Variants in KIF4A observed in about 807,000 individuals in gnomAD.
The protein encoded by KIF4A is kinesin family member 4A, also known as chromosome-associated kinesin KIF4A.
KIF4A carries 7 observed loss-of-function variants against 105.9 expected under a neutral mutation model. The ratio of observed to expected loss-of-function variants is 0.07; its 90% CI spans 0.04 to 0.12. The LOEUF (loss-of-function observed/expected upper bound fraction) is 0.12. Ranked by LOEUF, KIF4A falls within the 10% of genes least tolerant of loss-of-function variation. The pLI, the probability that KIF4A is intolerant of heterozygous loss-of-function variation, is 1.00. For missense variants in KIF4A, 558 were observed against 929.2 expected, an observed-to-expected ratio of 0.60 and a Z score of 5.19; for synonymous variants, 281 against 331.3, an observed-to-expected ratio of 0.85 and a Z score of 1.65.
intron 18 of KIF4A, among the ~76,000 whole-genome samples, chrX:70,383,186 C>CAA (rs372003538): frequency 2.1e-4 from 12 of 56,007 alleles, no homozygotes; most frequent in East Asian, 6.0e-4. Context: ...GACTCCATCT[C>CAA]AAAAAAAAAA....
chrX:70,375,069 T>A (rs1161445597), intron 16 of KIF4A, 135 bp from the exon 17 acceptor site: 1 of 704,752 alleles, frequency 1.4e-6, no homozygotes, highest in South Asian at 3.5e-5. Context: ...GGTGGTATTC[T>A]TTTTTTAAGA....
chrX:70,408,929 G>T (rs2086310514), intron 28 of KIF4A, among the ~76,000 whole-genome samples: 1 of 111,980 alleles, frequency 8.9e-6, no homozygotes, highest in Non-Finnish European at 1.9e-5. Flanking sequence ...GCAATGGCAC[G>T]ATCTTGGCTC....
rs760527566 is a variant in KIF4A at position 70,378,953 on chromosome X, G to A, written c.2034+2743G>A. 3.1e-3 allele frequency among the ~76,000 whole-genome samples: 339 copies of A among 109,219 alleles called. 2 individuals carry two copies. The highest frequency in any genetic ancestry group is 0.011 in the African/African-American group (329 of 30,049). 94.8% of individuals were successfully genotyped at this position (109,219 alleles called of 115,157 possible). ...AGGCAGATCACAAGGTCAGGAGATC[G>A]AGACCATCCTGGCTAACACGGTGAA... On this transcript the variant is annotated intron_variant, in intron 18 of 30. Transcript: ENST00000374403.
At position 70,293,781 on chromosome X, in the gene KIF4A, A is replaced by G. The variant is rs937375283; in HGVS notation, c.235+2976A>G. On this transcript the variant is annotated intron_variant, in intron 3 of 30. Coordinates refer to ENST00000374403, the MANE Select transcript of KIF4A (RefSeq NM_012310.5). ...AAAACTGATACACCCGTATAGGGCA[A>G]TTACCGTGAATGGAGCTTGCAGGAC... Among the ~76,000 whole-genome samples, 66 of 112,226 alleles carry G rather than the reference A, an allele frequency of 5.9e-4. 1 individual carries two copies. The highest frequency in any genetic ancestry group is 2.0e-3 in the African/African-American group (61 of 30,947).
At chrX:70,370,028 T>C (rs1165116389) in intron 15 of KIF4A, among the ~76,000 whole-genome samples, 1 of 111,354 alleles carries the variant, frequency 9.0e-6, no homozygotes, top group Admixed American at 9.6e-5. Context: ...GCCCACAGTA[T>C]TCAGTACAGT....
In KIF4A at chrX:70,344,597, C is replaced by CTT. The variant is rs74513137; in HGVS notation, c.1431+618_1431+619dup. 5.6e-3 allele frequency among the ~76,000 whole-genome samples: 621 copies of CTT among 110,607 alleles called. 2 individuals carry two copies. Among genetic ancestry groups the CTT allele is most frequent in the Non-Finnish European group, 9.3e-3 (493 of 52,959 alleles). ...ATCTCTTAGTCCTTAGGCATATATG[C>CTT]TTTTAAAAAAAACATTGAAATCGTA... On this transcript the variant is annotated intron_variant, in intron 13 of 30. Coordinates refer to ENST00000374403, the MANE Select transcript of KIF4A (RefSeq NM_012310.5).
At chrX:70,338,823 TG>T (rs2085960981) in intron 10 of KIF4A, among the ~76,000 whole-genome samples, 1 of 111,658 alleles carries the variant, frequency 9.0e-6, no homozygotes, top group African/African-American at 3.3e-5. Flanking sequence ...CGGTGGCTCA[TG>T]CCTGTAACCC....
intron 7 of KIF4A, among the ~76,000 whole-genome samples, chrX:70,323,524 C>A (rs1181937570): frequency 9.0e-6 from 1 of 111,593 alleles, no homozygotes; most frequent in Non-Finnish European, 1.9e-5. Flanking sequence ...ACCTATGAAA[C>A]CTCTGCTCTT....
intron 7 of KIF4A, 136 bp from the exon 8 acceptor site, chrX:70,329,269 A>G: frequency 1.8e-6 from 1 of 569,666 alleles, no homozygotes. Flanking sequence ...AAAAGTGAAC[A>G]AGATTAAGAA....
chrX:70,347,961 C>A lies in KIF4A; in HGVS notation c.1431+3979C>A, dbSNP rs993208532. On this transcript the variant is annotated intron_variant, in intron 13 of 30. Coordinates refer to ENST00000374403, the MANE Select transcript of KIF4A (RefSeq NM_012310.5). Reference sequence around the variant, plus strand: ...CTGCACTCCAGCCTGGGCGACAGAGCGAGACTCCGTCTCAAAAAAAAAAAA... The same window carrying A: ...CTGCACTCCAGCCTGGGCGACAGAGAGAGACTCCGTCTCAAAAAAAAAAAA... Among the ~76,000 whole-genome samples the A allele has an allele frequency of 5.0e-4, 5 of 10,077 alleles. No homozygotes were observed. In the East Asian group the frequency reaches 0.11, roughly 212 times the overall value. 8.8% of individuals were successfully genotyped at this position (10,077 alleles called of 115,157 possible).
chrX:70,330,336 T>A lies in KIF4A; in HGVS notation c.1071+4T>A, dbSNP rs376503954. ...ACTTAATCATCTAAAGCAACAGGTA[T>A]AAGGGACTTAAAGTTTGATGGGAAA... On this transcript the variant is annotated splice_donor_region_variant and intron_variant, in intron 9 of 30. Coordinates refer to ENST00000374403, the MANE Select transcript of KIF4A (RefSeq NM_012310.5). The A allele has an allele frequency of 7.5e-6, 9 of 1,196,691 alleles. No homozygotes were observed. Among genetic ancestry groups the A allele is most frequent in the Non-Finnish European group, 1.0e-5 (9 of 885,655 alleles).
chrX:70,324,221 A>G (rs1460612090), intron 7 of KIF4A, among the ~76,000 whole-genome samples: 1 of 112,253 alleles, frequency 8.9e-6, no homozygotes, highest in Non-Finnish European at 1.9e-5. Flanking sequence ...AAAAGCCTGT[A>G]ACCCAAAGCC....
intron 23 of KIF4A, among the ~76,000 whole-genome samples, chrX:70,402,929 T>C (rs989644108): frequency 1.8e-5 from 2 of 112,339 alleles, no homozygotes; most frequent in African/African-American, 6.5e-5. Flanking sequence ...CTATAGCAAG[T>C]GCTGAATGCG....
Position 70,349,285 on chromosome X carries a change from G to A in KIF4A, c.1432-3315G>A, listed in dbSNP as rs748094575. On this transcript the variant is annotated intron_variant, in intron 13 of 30. Transcript: ENST00000374403. The stretch of plus-strand genomic sequence containing the variant: ...CACATCCCAGACAATGGGCGGCTGG[G>A]TAGAGGCGCTCCTCACCTCCCAGAC... 4.2e-4 allele frequency among the ~76,000 whole-genome samples: 39 copies of A among 91,884 alleles called. 1 individual carries two copies. Among genetic ancestry groups the A allele is most frequent in the Middle Eastern group, 7.2e-3 (1 of 138 alleles). The allele number at this position is 91,884 out of a possible 115,157, so 79.8% of individuals were successfully genotyped here.
In KIF4A at chrX:70,375,237, G is replaced by A. The variant is rs2086170353; in HGVS notation, c.1812G>A (p.Glu604=). 2 of 1,210,947 alleles carry A rather than the reference G, an allele frequency of 1.7e-6. No homozygotes were observed. Among genetic ancestry groups the A allele is most frequent in the Non-Finnish European group, 2.2e-6 (2 of 895,171 alleles). ...LSERRRKRLQ[E]LEGQIADLKK... is the part of the protein sequence containing the mutation. ...AGCGCCGCCGCAAACGTCTCCAGGA[G>A]CTGGAGGGTCAAATTGCTGATCTGA... Residue 604 remains glutamate, a synonymous_variant, in exon 17 of 31, where the codon GAG becomes GAA. Transcript: ENST00000374403.
At chrX:70,397,579 G>A (rs2086265027) in intron 22 of KIF4A, among the ~76,000 whole-genome samples, 1 of 112,054 alleles carries the variant, frequency 8.9e-6, no homozygotes, top group Non-Finnish European at 1.9e-5. Context: ...ATGTTCTTCT[G>A]TCCCTCATCT....
At chrX:70,386,842 C>A in intron 19 of KIF4A, 141 bp downstream of exon 19, 1 of 488,970 alleles carries the variant, frequency 2.0e-6, no homozygotes, top group Non-Finnish European at 3.6e-6. Flanking sequence ...ATCTTGATCA[C>A]TGTTTATATG....
At chrX:70,384,323 A>G (rs2086208734) in intron 18 of KIF4A, among the ~76,000 whole-genome samples, 1 of 111,911 alleles carries the variant, frequency 8.9e-6, no homozygotes, top group South Asian at 3.7e-4. Flanking sequence ...CGGGCTTTTC[A>G]GTGACTGTAA....
chrX:70,377,328 T>A (rs2086178912), intron 18 of KIF4A, among the ~76,000 whole-genome samples: 2 of 111,474 alleles, frequency 1.8e-5, no homozygotes, highest in African/African-American at 3.3e-5. Flanking sequence ...CACCTCGGCC[T>A]GCTAAAGTGC....
Sources: allele counts gnomAD v4.1 joint callset (sites outside exome capture counted in the v4.1 genomes callset), GRCh38; gene constraint gnomAD v4.1.1; transcripts MANE v1.5; gene names NCBI Gene and HGNC (gene_info 2026-07-23, HGNC 2026-07-21).